RALYL: variants seen among roughly 807,000 people sequenced by gnomAD.
RALYL encodes the protein RALY RNA binding protein like, also known as RNA-binding Raly-like protein.
RALYL carries 29 observed loss-of-function variants against 35.1 expected under a neutral mutation model. The observed-to-expected ratio is 0.83, with a 90% CI of 0.61 to 1.13. The LOEUF (loss-of-function observed/expected upper bound fraction) is 1.13. Among genes scored for constraint, RALYL ranks in the 50% most tolerant of loss-of-function variants. RALYL has a pLI of 0.00. For missense variants in RALYL, 359 were observed against 360.4 expected, an observed-to-expected ratio of 1.00 and a Z score of 0.03; for synonymous variants, 120 against 127.6, an observed-to-expected ratio of 0.94 and a Z score of 0.40.
chr8:84,723,420 A>C (rs565348730), intron 2 of RALYL, among the ~76,000 whole-genome samples: 1 of 152,014 alleles, frequency 6.6e-6, no homozygotes, highest in African/African-American at 2.4e-5. Context: ...TGGTTTTCAT[A>C]AACTTAAATT....
intron 1 of RALYL, among the ~76,000 whole-genome samples, chr8:84,506,765 C>T (rs963025344): frequency 1.3e-5 from 2 of 151,804 alleles, no homozygotes; most frequent in African/African-American, 2.4e-5. Flanking sequence ...TTTAGTTGAA[C>T]TAGAATACAA....
intron 1 of RALYL, among the ~76,000 whole-genome samples, chr8:84,263,770 C>T (rs1217836764): frequency 6.6e-6 from 1 of 152,072 alleles, no homozygotes; most frequent in Non-Finnish European, 1.5e-5. Flanking sequence ...CCCGACCTCA[C>T]CCCGACACAA....
chr8:84,273,965 GC>G (rs1182977797), intron 1 of RALYL, among the ~76,000 whole-genome samples: 9 of 152,244 alleles, frequency 5.9e-5, no homozygotes, highest in Non-Finnish European at 5.9e-5. Context: ...TGTATTTTAT[GC>G]CTCGCTTGTC....
At position 84,715,102 on chromosome 8, in the gene RALYL, G is replaced by A. The variant is rs187768781; in HGVS notation, c.257-59477G>A. 4.6e-5 allele frequency among the ~76,000 whole-genome samples: 7 copies of A among 151,898 alleles called. No individual in the cohort carries two copies. In the East Asian group the frequency reaches 1.4e-3, roughly 29 times the overall value. ...CTTACAATGTTTATTATAAGCATTT[G>A]AATTCTAATTTTACATATTTTATCA... On this transcript the variant is annotated intron_variant, in intron 2 of 8. Transcript: ENST00000521268.
intron 1 of RALYL, among the ~76,000 whole-genome samples, chr8:84,415,459 G>C (rs902490195): frequency 2.0e-5 from 3 of 151,886 alleles, no homozygotes; most frequent in Non-Finnish European, 2.9e-5. Context: ...ATGCTGGTCT[G>C]GAACTCCTGA....
At chr8:84,215,037 C>T (rs1820451925) in intron 1 of RALYL, among the ~76,000 whole-genome samples, 1 of 151,630 alleles carries the variant, frequency 6.6e-6, no homozygotes, top group Non-Finnish European at 1.5e-5. Context: ...TCCCGAGTAC[C>T]TGGGACTACA....
chr8:84,569,964 G>A (rs79413741), intron 2 of RALYL, among the ~76,000 whole-genome samples: 2,298 of 151,938 alleles, frequency 0.015, 29 homozygotes, highest in Middle Eastern at 0.058. Flanking sequence ...TTTTGTGCTA[G>A]TACCATGCTT....
At chr8:84,820,630 C>T (rs1828316897) in intron 4 of RALYL, among the ~76,000 whole-genome samples, 1 of 152,114 alleles carries the variant, frequency 6.6e-6, no homozygotes, top group Admixed American at 6.5e-5. Context: ...TAGTTTGCTT[C>T]ACCTATCAAC....
chr8:84,790,075 G>T (rs188697333), intron 3 of RALYL, among the ~76,000 whole-genome samples: 1 of 152,332 alleles, frequency 6.6e-6, no homozygotes, highest in East Asian at 1.9e-4. Flanking sequence ...GCAGTTAGTA[G>T]TCTCACTGGA....
chr8:84,330,941 G>T (rs1253313207), intron 1 of RALYL, among the ~76,000 whole-genome samples: 1 of 152,060 alleles, frequency 6.6e-6, no homozygotes, highest in Non-Finnish European at 1.5e-5. Flanking sequence ...ACTTGAGCCT[G>T]GCAGGAAAAG....
At position 84,567,025 on chromosome 8, in the gene RALYL, A is replaced by G. The variant is rs1252332693; in HGVS notation, c.256+37448A>G. 4.6e-5 allele frequency among the ~76,000 whole-genome samples: 7 copies of G among 151,838 alleles called. No individual in the cohort carries two copies. The East Asian group carries it at 1.4e-3, about 29-fold the overall frequency. On this transcript the variant is annotated intron_variant, in intron 2 of 8. Coordinates refer to ENST00000521268, the MANE Select transcript of RALYL (RefSeq NM_173848.7). ...TTCCTCATTTGTATTGAATATGGAA[A>G]GAATCACTTCTTAAAGTAATTAAAG...
At chr8:84,725,236 A>G (rs532915775) in intron 2 of RALYL, among the ~76,000 whole-genome samples, 1 of 151,782 alleles carries the variant, frequency 6.6e-6, no homozygotes, top group East Asian at 1.9e-4. Flanking sequence ...ATATAATGTG[A>G]CTGCTAAGGC....
chr8:84,302,918 C>T (rs1273065555), intron 1 of RALYL, among the ~76,000 whole-genome samples: 1 of 152,184 alleles, frequency 6.6e-6, no homozygotes, highest in African/African-American at 2.4e-5. Flanking sequence ...ACCCAAAGGA[C>T]TTGCAGAAAT....
At chr8:84,819,183 CCAACTG>C (rs1299481457) in intron 4 of RALYL, among the ~76,000 whole-genome samples, 3 of 152,028 alleles carry the variant, frequency 2.0e-5, no homozygotes, top group African/African-American at 2.4e-5. Context: ...GATTTCTTTA[CCAACTG>C]CATTTGCTTC....
intron 1 of RALYL, among the ~76,000 whole-genome samples, chr8:84,479,772 G>A (rs2053856217): frequency 6.6e-6 from 1 of 152,060 alleles, no homozygotes; most frequent in African/African-American, 2.4e-5. Context: ...TATTCCTTAA[G>A]TATTCTCTTA....
chr8:84,501,702 A>T (rs971034439), intron 1 of RALYL, among the ~76,000 whole-genome samples: 1 of 151,722 alleles, frequency 6.6e-6, no homozygotes, highest in African/African-American at 2.4e-5. Context: ...ATCTACATTT[A>T]TCTGTCTGTC....
chr8:84,579,187 G>A (rs1241898542), intron 2 of RALYL, among the ~76,000 whole-genome samples: 2 of 152,220 alleles, frequency 1.3e-5, no homozygotes, highest in African/African-American at 4.8e-5. Context: ...CAAGGCAGCA[G>A]GAGGCAGTCT....
chr8:84,774,897 T>G (rs946508253), intron 3 of RALYL, among the ~76,000 whole-genome samples: 1 of 152,170 alleles, frequency 6.6e-6, no homozygotes, highest in African/African-American at 2.4e-5. Context: ...TAAAAATCAC[T>G]AATGACTCTA....
At chr8:84,552,553 T>C (rs1170684585) in intron 2 of RALYL, among the ~76,000 whole-genome samples, 4 of 151,432 alleles carry the variant, frequency 2.6e-5, no homozygotes, top group Admixed American at 6.6e-5. Context: ...ATTTCACTTA[T>C]AAGCTAAAGT....
Sources: gnomAD v4.1 joint callset for allele counts (sites outside exome capture counted in the v4.1 genomes callset) on GRCh38, gnomAD v4.1.1 for gene constraint, MANE v1.5 for transcripts, NCBI Gene and HGNC (gene_info 2026-07-23, HGNC 2026-07-21) for gene names.